The following CDYL2 variants were observed in gnomAD, a reference collection of about 807,000 sequenced individuals.
The protein encoded by CDYL2 is chromodomain Y like 2, also known as chromodomain Y-like protein 2.
A neutral mutation model predicts 49.4 loss-of-function variants in CDYL2; 23 were observed. That is an observed-to-expected ratio of 0.47 (90% CI 0.34 to 0.66). CDYL2 has a LOEUF of 0.66. Among genes scored for constraint, CDYL2 ranks in the 30% least tolerant of loss-of-function variants. The pLI is 0.01. For missense variants in CDYL2, 678 were observed against 656.4 expected (o/e 1.03, Z -0.36); for synonymous variants, 360 against 268.8 (o/e 1.34, Z -3.32).
chr16:80,770,832 A>T (rs1453930750), intron 1 of CDYL2, among the ~76,000 whole-genome samples: 1 of 152,216 alleles, frequency 6.6e-6, no homozygotes, highest in East Asian at 1.9e-4. Context: ...TCTCATTCTT[A>T]AAAAAGTAAA....
At chr16:80,634,516 G>C (rs1011218659) in intron 2 of CDYL2, among the ~76,000 whole-genome samples, 7 of 152,170 alleles carry the variant, frequency 4.6e-5, no homozygotes, top group Non-Finnish European at 7.3e-5. Context: ...ACATGGGTGA[G>C]AGATAGTATT....
intron 1 of CDYL2, among the ~76,000 whole-genome samples, chr16:80,794,647 T>C (rs1450859343): frequency 1.4e-5 from 2 of 147,374 alleles, no homozygotes; most frequent in African/African-American, 5.1e-5. Context: ...GTTCTGCTCT[T>C]GTTGCCCAGG....
intron 3 of CDYL2, among the ~76,000 whole-genome samples, chr16:80,626,958 C>T (rs563752280): frequency 1.3e-5 from 2 of 152,224 alleles, no homozygotes; most frequent in South Asian, 2.1e-4. Context: ...CAAGGTCACA[C>T]CAACAGTAAG....
chr16:80,782,721 CAT>C (rs1907312841), intron 1 of CDYL2, among the ~76,000 whole-genome samples: 1 of 151,684 alleles, frequency 6.6e-6, no homozygotes, highest in South Asian at 2.1e-4. Flanking sequence ...TAATATGTCA[CAT>C]GAGTAGAATG....
At chr16:80,683,898 G>T (rs759615056) in intron 2 of CDYL2, among the ~76,000 whole-genome samples, 1 of 152,210 alleles carries the variant, frequency 6.6e-6, no homozygotes, top group Non-Finnish European at 1.5e-5. Context: ...TGAGAAATTA[G>T]ATTTCCATTT....
intron 1 of CDYL2, among the ~76,000 whole-genome samples, chr16:80,714,125 T>C (rs138057442): frequency 6.6e-6 from 1 of 152,324 alleles, no homozygotes; most frequent in Non-Finnish European, 1.5e-5. Context: ...AATATTTATA[T>C]ATTCAAATGT....
intron 1 of CDYL2, among the ~76,000 whole-genome samples, chr16:80,793,721 C>T (rs1043069799): frequency 1.3e-5 from 2 of 152,146 alleles, no homozygotes; most frequent in Admixed American, 6.5e-5. Context: ...CAATATGTTT[C>T]CAGGATCCCT....
At chr16:80,611,078 C>T (rs1397826370) in intron 5 of CDYL2, among the ~76,000 whole-genome samples, 1 of 152,168 alleles carries the variant, frequency 6.6e-6, no homozygotes, top group Non-Finnish European at 1.5e-5. Context: ...CCCTGTTCTT[C>T]CCTTCATGCA....
chr16:80,755,719 G>A (rs914551600), intron 1 of CDYL2, among the ~76,000 whole-genome samples: 1 of 152,124 alleles, frequency 6.6e-6, no homozygotes, highest in African/African-American at 2.4e-5. Flanking sequence ...CAACAGTACT[G>A]TACAATGCAA....
chr16:80,804,327 C>G lies in CDYL2; in HGVS notation c.-154G>C. On this transcript the variant is annotated 5_prime_UTR_variant, in exon 1 of 7. Coordinates refer to ENST00000570137, the MANE Select transcript of CDYL2 (RefSeq NM_152342.4). ...AGTAAACTGTGTTTTTGCAGAATGA[C>G]AGGCTTGGGGGCTGCCTATGCGCAG... The G allele has an allele frequency of 2.1e-6, 1 of 484,622 alleles. No homozygotes were observed. The highest frequency in any genetic ancestry group is 3.0e-6 in the Non-Finnish European group (1 of 334,436). 30.0% of individuals were successfully genotyped at this position (484,622 alleles called of 1,614,324 possible). A position where few individuals can be genotyped will look rare whatever the true frequency, so the allele number is the denominator to read the frequency against.
At chr16:80,626,185 C>G (rs1359528644) in intron 3 of CDYL2, among the ~76,000 whole-genome samples, 20 of 148,646 alleles carry the variant, frequency 1.3e-4, no homozygotes, top group Non-Finnish European at 1.5e-5. Context: ...GTGGTCCCAG[C>G]TCTTCAGCAG....
At position 80,763,147 on chromosome 16, in the gene CDYL2, C is replaced by G. The variant is rs114933693; in HGVS notation, c.24+41003G>C. Among the ~76,000 whole-genome samples the G allele has an allele frequency of 4.9e-3, 740 of 150,438 alleles. 4 individuals are homozygous for G. The highest frequency in any genetic ancestry group is 0.017 in the African/African-American group (702 of 40,796). On this transcript the variant is annotated intron_variant, in intron 1 of 6. Coordinates refer to ENST00000570137, the MANE Select transcript of CDYL2 (RefSeq NM_152342.4). ...TGTGCCACTGCACTCCAGCAGGAAC[C>G]TAACTAATCCTGTATTCCCACCAGA...
chr16:80,661,795 T>C (rs1043232685), intron 2 of CDYL2, among the ~76,000 whole-genome samples: 1 of 152,188 alleles, frequency 6.6e-6, no homozygotes, highest in Non-Finnish European at 1.5e-5. Flanking sequence ...CACTATGTTA[T>C]CATCATCCAT....
chr16:80,749,219 C>T (rs1175618663), intron 1 of CDYL2, among the ~76,000 whole-genome samples: 2 of 152,082 alleles, frequency 1.3e-5, no homozygotes, highest in East Asian at 1.9e-4. Flanking sequence ...ATTTAAAAAA[C>T]AACAGAACAC....
chr16:80,633,470 G>A (rs75592706), intron 2 of CDYL2, among the ~76,000 whole-genome samples: 6,538 of 152,142 alleles, frequency 0.043, 448 homozygotes, highest in African/African-American at 0.15. Context: ...GGCCCTGTGC[G>A]GTCCTCTACT....
At chr16:80,671,481 T>G (rs544207404) in intron 2 of CDYL2, among the ~76,000 whole-genome samples, 5 of 152,312 alleles carry the variant, frequency 3.3e-5, no homozygotes, top group Non-Finnish European at 5.9e-5. Flanking sequence ...AGTCTTTCCC[T>G]AAGCACACCA....
At chr16:80,688,171 AG>A (rs1258397695) in intron 1 of CDYL2, among the ~76,000 whole-genome samples, 1 of 152,184 alleles carries the variant, frequency 6.6e-6, no homozygotes, top group Non-Finnish European at 1.5e-5. Flanking sequence ...ACAGAGTCAC[AG>A]GTAGCTTTAT....
At chr16:80,800,376 G>A (rs1907889341) in intron 1 of CDYL2, among the ~76,000 whole-genome samples, 1 of 152,154 alleles carries the variant, frequency 6.6e-6, no homozygotes, top group South Asian at 2.1e-4. Context: ...GCTCAATGTG[G>A]ACACGGCAAA....
intron 3 of CDYL2, among the ~76,000 whole-genome samples, chr16:80,623,664 C>T (rs925853937): frequency 6.6e-6 from 1 of 152,182 alleles, no homozygotes; most frequent in Admixed American, 6.5e-5. Context: ...ACTCACTTAG[C>T]CTTCTGGGGG....
Sources: gnomAD v4.1 joint callset for allele counts (sites outside exome capture counted in the v4.1 genomes callset) on GRCh38, gnomAD v4.1.1 for gene constraint, MANE v1.5 for transcripts, NCBI Gene and HGNC (gene_info 2026-07-23, HGNC 2026-07-21) for gene names.